The following JAK1 variants were observed in gnomAD, a reference collection of about 807,000 sequenced individuals.
The protein encoded by JAK1 is tyrosine-protein kinase JAK1.
A neutral mutation model predicts 136.6 loss-of-function variants in JAK1; 16 were observed. The observed-to-expected ratio is 0.12, with a 90% CI of 0.08 to 0.18. JAK1 has a LOEUF of 0.18. Among genes scored for constraint, JAK1 ranks in the 10% least tolerant of loss-of-function variants. The probability of loss-of-function intolerance (pLI) is 1.00; values close to 1 mark genes in which losing one functional copy is unlikely to be tolerated. For synonymous variants in JAK1, 492 were observed against 519.5 expected (o/e 0.95, Z 0.72); for missense variants, 859 against 1,450.1 (o/e 0.59, Z 6.62).
intron 1 of JAK1, among the ~76,000 whole-genome samples, chr1:64,896,076 CTT>C (rs1181091102): frequency 6.6e-6 from 1 of 152,244 alleles, no homozygotes; most frequent in East Asian, 1.9e-4. Context: ...GGTTAGGAAT[CTT>C]TAATTGTATT....
intron 2 of JAK1, among the ~76,000 whole-genome samples, chr1:65,038,609 T>C (rs1322120249): frequency 6.6e-6 from 1 of 152,176 alleles, no homozygotes; most frequent in Non-Finnish European, 1.5e-5. Context: ...CACATAACTT[T>C]TATGTCAAAC....
intron 1 of JAK1, among the ~76,000 whole-genome samples, chr1:64,947,112 A>G (rs1374101482): frequency 6.6e-6 from 1 of 152,220 alleles, no homozygotes; most frequent in Non-Finnish European, 1.5e-5. Flanking sequence ...GTTTTGCAAG[A>G]TGAAAAGAGT....
intron 1 of JAK1, among the ~76,000 whole-genome samples, chr1:65,050,070 T>C (rs17127247): frequency 0.081 from 12,342 of 152,172 alleles, 674 homozygotes; most frequent in East Asian, 0.18. Flanking sequence ...CCACAGAAAG[T>C]GGGGATTTTG....
chr1:64,842,446 C>T (rs1450959285), intron 17 of JAK1, among the ~76,000 whole-genome samples: 13 of 106,716 alleles, frequency 1.2e-4, no homozygotes, highest in Non-Finnish European at 2.0e-4. Flanking sequence ...CTCTGGTCCC[C>T]GTGGGCCCTG....
At chr1:64,837,480 G>A (rs1454443811) in intron 22 of JAK1, among the ~76,000 whole-genome samples, 1 of 152,186 alleles carries the variant, frequency 6.6e-6, no homozygotes, top group Non-Finnish European at 1.5e-5. Flanking sequence ...GGTGATTCAT[G>A]AGACAGCCAG....
chr1:64,928,808 A>AAAAAAAAAAT (rs1645637699), intron 1 of JAK1, among the ~76,000 whole-genome samples: 1 of 143,054 alleles, frequency 7.0e-6, no homozygotes, highest in Non-Finnish European at 1.5e-5. Context: ...AAAAAAAAAA[A>AAAAAAAAAAT]ACTCTGCAAA....
intron 13 of JAK1, 22 bp from the exon 14 acceptor site, chr1:64,846,758 G>C (rs1427681854): frequency 1.9e-6 from 3 of 1,598,452 alleles, no homozygotes; most frequent in Admixed American, 1.7e-5. Flanking sequence ...CAGGACATAG[G>C]AATGTCTCAG....
chr1:64,955,964 G>A (rs1182855691), intron 1 of JAK1, among the ~76,000 whole-genome samples: 2 of 152,172 alleles, frequency 1.3e-5, no homozygotes, highest in Non-Finnish European at 2.9e-5. Context: ...CATTTTGAAC[G>A]CCAATAAGCT....
intron 2 of JAK1, among the ~76,000 whole-genome samples, chr1:65,029,127 C>T (rs1426557412): frequency 2.0e-5 from 3 of 151,976 alleles, no homozygotes; most frequent in Non-Finnish European, 4.4e-5. Context: ...GACAGGGTCT[C>T]ACTCTGTCAC....
intron 2 of JAK1, among the ~76,000 whole-genome samples, chr1:65,006,869 GT>G (rs1646808238): frequency 6.6e-6 from 1 of 152,100 alleles, no homozygotes; most frequent in South Asian, 2.1e-4. Context: ...AGCTAAGTAA[GT>G]TTTGTCATCT....
intron 2 of JAK1, among the ~76,000 whole-genome samples, chr1:64,995,652 G>C (rs1016483469): frequency 6.6e-6 from 1 of 152,158 alleles, no homozygotes; most frequent in African/African-American, 2.4e-5. Context: ...GTGATCAGTT[G>C]AGCCTTATAC....
At chr1:64,905,806 T>C (rs914650720) in intron 1 of JAK1, among the ~76,000 whole-genome samples, 2 of 152,166 alleles carry the variant, frequency 1.3e-5, no homozygotes, top group African/African-American at 4.8e-5. Flanking sequence ...TCTCACATGA[T>C]CCCTACAAAC....
rs140524268 is a variant in JAK1, at chr1:64,912,974, C to T, written c.-77-26633G>A. ...CACTGGATAAGGTAAAATGAGCTTC[C>T]ACTTAGATCTGTTTAATTGGTAGGG... On this transcript the variant is annotated intron_variant, in intron 1 of 24. Transcript: ENST00000342505. 1.3e-4 allele frequency among the ~76,000 whole-genome samples: 20 copies of T among 152,220 alleles called. No homozygotes were observed. The East Asian group carries it at 2.1e-3, about 16-fold the overall frequency.
intron 2 of JAK1, chr1:65,002,449 G>C (rs1646767287): frequency 6.6e-6 from 1 of 152,224 alleles, no homozygotes. Flanking sequence ...TTGACTACAA[G>C]CAAGTAACAA....
At chr1:65,043,716 T>G (rs1423548679) in intron 2 of JAK1, among the ~76,000 whole-genome samples, 1 of 148,044 alleles carries the variant, frequency 6.8e-6, no homozygotes, top group East Asian at 2.0e-4. Flanking sequence ...TTTTTTTTTT[T>G]TTTTTTTTTG....
At chr1:64,840,808 G>A (rs1304674253) in intron 19 of JAK1, among the ~76,000 whole-genome samples, 3 of 151,892 alleles carry the variant, frequency 2.0e-5, no homozygotes, top group Admixed American at 6.6e-5. Context: ...TCCAGCCTGG[G>A]ACACAGAGCG....
At chr1:64,985,159 C>A in intron 2 of JAK1, 1 of 1,354,374 alleles carries the variant, frequency 7.4e-7, no homozygotes, top group East Asian at 2.3e-5. Context: ...GTATTAACCA[C>A]ACCCACACCA....
chr1:64,843,435 C>T (rs900267731), intron 17 of JAK1, among the ~76,000 whole-genome samples: 1 of 152,180 alleles, frequency 6.6e-6, no homozygotes, highest in African/African-American at 2.4e-5. Context: ...CCACACCTCG[C>T]CTGTTTTGCA....
intron 9 of JAK1, among the ~76,000 whole-genome samples, chr1:64,858,611 CAACA>C (rs1192065872): frequency 2.6e-5 from 4 of 152,186 alleles, no homozygotes; most frequent in African/African-American, 7.2e-5. Flanking sequence ...TCCATTCATT[CAACA>C]AATACTCACT....
Sources: gnomAD v4.1 joint callset for allele counts (sites outside exome capture counted in the v4.1 genomes callset) on GRCh38, gnomAD v4.1.1 for gene constraint, MANE v1.5 for transcripts, NCBI Gene and HGNC (gene_info 2026-07-23, HGNC 2026-07-21) for gene names.